The following SLC22A25 variants were observed in gnomAD, a reference collection of about 807,000 sequenced individuals.
The protein encoded by SLC22A25 is solute carrier family 22 member 25, also known as MGI:2442751, MGI:2385316, MGI:3042283, MGI:3645714, MGI:3605624, MGI:2442750.
A neutral mutation model predicts 45.9 loss-of-function variants in SLC22A25; 44 were observed. The ratio of observed to expected loss-of-function variants is 0.96; its 90% CI spans 0.75 to 1.23. SLC22A25 has a LOEUF of 1.23. Ranked by LOEUF, SLC22A25 falls within the 50% of genes most tolerant of loss-of-function variation. The pLI is 0.00. For missense variants in SLC22A25, 800 were observed against 666.4 expected (o/e 1.20, Z -2.21); for synonymous variants, 283 against 238.6 (o/e 1.19, Z -1.72).
intron 9 of SLC22A25, among the ~76,000 whole-genome samples, chr11:63,173,918 A>G (rs905220052): frequency 1.4e-4 from 19 of 136,692 alleles, no homozygotes; most frequent in African/African-American, 5.2e-4. Flanking sequence ...TTTTTTTATT[A>G]CATTTTAAGT....
chr11:63,217,672 C>T lies in SLC22A25; in HGVS notation c.570G>A (p.Ala190=), dbSNP rs145215297. The T allele has an allele frequency of 9.9e-6, 16 of 1,613,748 alleles. No homozygotes were observed. Among genetic ancestry groups the T allele is most frequent in the African/African-American group, 5.3e-5 (4 of 74,900 alleles). Reference sequence around the variant, plus strand: ...ATACGAGGATGGTGGGAGCAAAGGCCGCACAGGTGCCTACAATGGCGAGCT... The same window carrying T: ...ATACGAGGATGGTGGGAGCAAAGGCTGCACAGGTGCCTACAATGGCGAGCT... The part of the protein sequence containing the change: ...YLQLAIVGTC[A]AFAPTILVYC... The change falls in exon 6 of 12, where the codon GCG becomes GCA. Residue 190 remains alanine, a synonymous_variant. Transcript: ENST00000306494.
chr11:63,225,899 T>A (rs1300780994), intron 5 of SLC22A25, among the ~76,000 whole-genome samples: 1 of 152,100 alleles, frequency 6.6e-6, no homozygotes, highest in Non-Finnish European at 1.5e-5. Context: ...TTCTTCTGCT[T>A]GATCAATTCT....
chr11:63,179,181 T>A (rs1479071001), intron 9 of SLC22A25, among the ~76,000 whole-genome samples: 2 of 152,104 alleles, frequency 1.3e-5, no homozygotes, highest in African/African-American at 4.8e-5. Context: ...GGTCTTGAAC[T>A]CCTGACCTCA....
At chr11:63,165,254 T>C (rs745341489) in intron 10 of SLC22A25, among the ~76,000 whole-genome samples, 4 of 152,044 alleles carry the variant, frequency 2.6e-5, no homozygotes, top group Admixed American at 6.6e-5. Flanking sequence ...AAAAAGATCA[T>C]AATTGCCTCA....
intron 5 of SLC22A25, among the ~76,000 whole-genome samples, chr11:63,225,555 A>T (rs1209138458): frequency 6.6e-6 from 1 of 151,952 alleles, no homozygotes; most frequent in Non-Finnish European, 1.5e-5. Context: ...CGTGTTTAGG[A>T]TTCTTTATTT....
chr11:63,209,730 A>G (rs935179604), intron 7 of SLC22A25, among the ~76,000 whole-genome samples: 2 of 152,196 alleles, frequency 1.3e-5, no homozygotes, highest in Non-Finnish European at 2.9e-5. Flanking sequence ...CCCTTCCTAT[A>G]CAGAAAAGCC....
chr11:63,215,045 C>T (rs192312003), intron 7 of SLC22A25, among the ~76,000 whole-genome samples: 1 of 152,070 alleles, frequency 6.6e-6, no homozygotes, highest in Non-Finnish European at 1.5e-5. Context: ...AGATCTAGAA[C>T]CAGAAATAAC....
At chr11:63,194,889 G>GAAAAAAAAAAAAAAAAAAAA (rs1565091135) in intron 7 of SLC22A25, among the ~76,000 whole-genome samples, 3 of 14,288 alleles carry the variant, frequency 2.1e-4, no homozygotes, top group Non-Finnish European at 2.8e-4. Context: ...CAAATGGAAA[G>GAAAAAAAAAAAAAAAAAAAA]CAAAAAAAAA....
intron 3 of SLC22A25, among the ~76,000 whole-genome samples, chr11:63,233,374 G>A (rs1259584193): frequency 1.3e-5 from 2 of 152,184 alleles, no homozygotes; most frequent in Admixed American, 6.5e-5. Context: ...GCGGGTGTAT[G>A]TGTCAAGGAA....
chr11:63,164,650 C>T lies in SLC22A25; in HGVS notation c.1286-16G>A, dbSNP rs1194905284. 6.3e-7 allele frequency: 1 copy of T among 1,598,140 alleles called. No individual in the cohort carries two copies. The highest frequency in any genetic ancestry group is 1.7e-5 in the Admixed American group (1 of 59,894). ...GTCTGCATTTCTGGAGAAAGGAAGA[C>T]CACAGGGCCTCAGGAAATCTGAGCT... On this transcript the variant is annotated splice_polypyrimidine_tract_variant and intron_variant, in intron 10 of 11. Coordinates refer to ENST00000306494, the MANE Select transcript of SLC22A25 (RefSeq NM_199352.6).
chr11:63,188,375 T>C (rs889198014), intron 7 of SLC22A25, among the ~76,000 whole-genome samples: 2 of 152,224 alleles, frequency 1.3e-5, no homozygotes, highest in African/African-American at 4.8e-5. Flanking sequence ...TGTATTTCTG[T>C]GGGATCGGTG....
chr11:63,193,663 C>A lies in SLC22A25; in HGVS notation c.831-9846G>T, dbSNP rs183386186. 4.2e-3 allele frequency among the ~76,000 whole-genome samples: 632 copies of A among 152,286 alleles called. 6 individuals are homozygous for A. Among genetic ancestry groups the A allele is most frequent in the African/African-American group, 0.014 (575 of 41,546 alleles). ...CACCAAAACCCCATCTGTATGTCAC[C>A]ATCATCAAAGATCAAAGGTAGATAA... On this transcript the variant is annotated intron_variant, in intron 7 of 11. Coordinates refer to ENST00000306494, the MANE Select transcript of SLC22A25 (RefSeq NM_199352.6).
intron 9 of SLC22A25, among the ~76,000 whole-genome samples, chr11:63,174,986 T>C (rs1270265452): frequency 6.6e-6 from 1 of 152,124 alleles, no homozygotes; most frequent in Non-Finnish European, 1.5e-5. Flanking sequence ...TGACTAATAT[T>C]CCATCATGAG....
chr11:63,167,794 C>T (rs1013823822), intron 9 of SLC22A25: 12 of 170,560 alleles, frequency 7.0e-5, no homozygotes, highest in Non-Finnish European at 1.5e-4. Flanking sequence ...GTGGATCTCT[C>T]AGCACAGTGC....
chr11:63,164,027 C>A lies in SLC22A25; in HGVS notation c.1441G>T (p.Ala481Ser), dbSNP rs759022704. The A allele has an allele frequency of 3.1e-6, 5 of 1,611,904 alleles. No homozygotes were observed. The highest frequency in any genetic ancestry group is 4.2e-6 in the Non-Finnish European group (5 of 1,178,992). ...ITGNFANIGG[A>S]LASLMMILSI... The stretch of plus-strand genomic sequence containing the variant: ...AGGATCATCATGAGGGAAGCCAGGG[C>A]TCCCCCAATATTAGCAAAGTTTCCA... The change falls in exon 12 of 12, where the codon GCC (alanine) becomes TCC (serine). Residue 481 changes from alanine (A) to serine (S), a missense_variant. Transcript: ENST00000306494.
intron 7 of SLC22A25, among the ~76,000 whole-genome samples, chr11:63,185,854 C>A (rs1164471843): frequency 6.7e-6 from 1 of 148,900 alleles, no homozygotes; most frequent in African/African-American, 2.5e-5. Flanking sequence ...TCATCCATGT[C>A]CCTACAAAGG....
Position 63,217,616 on chromosome 11 carries a change from G to A in SLC22A25, c.626C>T (p.Ala209Val), listed in dbSNP as rs148704171. 8.7e-4 allele frequency: 1,412 copies of A among 1,613,826 alleles called. 2 individuals carry two copies. Among genetic ancestry groups the A allele is most frequent in the Non-Finnish European group, 9.7e-4 (1,141 of 1,179,966 alleles). ...YCSLRFLAGA[A>V]TFSIIVNTVL... The stretch of plus-strand genomic sequence containing the variant: ...AGTATTTACAATGATGCTAAATGTA[G>A]CAGCCCCAGCCAAGAAGCGCAGGGA... Residue 209 changes from alanine to valine, a missense_variant, in exon 6 of 12, where the codon GCT (alanine) becomes GTT (valine). Ala to Val is a moderately conservative substitution (Grantham distance 64). Transcript: ENST00000306494.
chr11:63,190,278 A>T (rs1273679654), intron 7 of SLC22A25, among the ~76,000 whole-genome samples: 1 of 151,442 alleles, frequency 6.6e-6, no homozygotes, highest in Non-Finnish European at 1.5e-5. Context: ...TTCTTTTCTG[A>T]TTTCATTTCA....
chr11:63,243,475 T>C lies in SLC22A25; in HGVS notation c.-1037A>G. 2 of 762,484 alleles carry C rather than the reference T, an allele frequency of 2.6e-6. No individual in the cohort carries two copies. The highest frequency in any genetic ancestry group is 1.7e-5 in the Admixed American group (1 of 57,970). The allele number at this position is 762,484 out of a possible 1,614,324, so 47.2% of individuals were successfully genotyped here. ...CCAGGATCCCAACTTCAAAGTCCCA[T>C]CTGCAACTCCTGGGTGCTGTCTGCA... On this transcript the variant is annotated 5_prime_UTR_variant, in exon 1 of 12. It removes an upstream start codon present in the reference 5' UTR. Transcript: ENST00000306494.
Sources: gnomAD v4.1 joint callset for allele counts (sites outside exome capture counted in the v4.1 genomes callset) on GRCh38, gnomAD v4.1.1 for gene constraint, MANE v1.5 for transcripts, NCBI Gene and HGNC (gene_info 2026-07-23, HGNC 2026-07-21) for gene names.